UBASH3B: variants seen among roughly 807,000 people sequenced by gnomAD.
The protein encoded by UBASH3B is ubiquitin-associated and SH3 domain-containing protein B.
In UBASH3B, 37 loss-of-function variants were observed where a neutral mutation model predicts 83.4. The ratio of observed to expected loss-of-function variants is 0.44; its 90% CI spans 0.34 to 0.58. The LOEUF (loss-of-function observed/expected upper bound fraction) is 0.58. Among genes scored for constraint, UBASH3B ranks in the 20% least tolerant of loss-of-function variants. UBASH3B has a pLI of 0.01. For missense variants in UBASH3B, 657 were observed against 827.2 expected (o/e 0.79, Z 2.52); for synonymous variants, 304 against 318.3 (o/e 0.96, Z 0.48).
intron 1 of UBASH3B, among the ~76,000 whole-genome samples, chr11:122,711,037 G>A (rs1864184305): frequency 6.6e-6 from 1 of 152,234 alleles, no homozygotes; most frequent in Non-Finnish European, 1.5e-5. Flanking sequence ...GGGTTAGGAA[G>A]TGTGGGAGCC....
At chr11:122,710,375 C>T (rs752108444) in intron 1 of UBASH3B, among the ~76,000 whole-genome samples, 7 of 152,156 alleles carry the variant, frequency 4.6e-5, no homozygotes, top group Admixed American at 1.3e-4. Context: ...TTGTTGTGCA[C>T]GCTTATTACA....
intron 2 of UBASH3B, 84 bp from the exon 3 acceptor site, chr11:122,776,940 T>C (rs1860745847): frequency 3.0e-6 from 4 of 1,316,522 alleles, no homozygotes; most frequent in Non-Finnish European, 4.2e-6. Flanking sequence ...TTGGAGCACA[T>C]GGAGGGTGGA....
chr11:122,796,011 G>C, intron 7 of UBASH3B, 145 bp from the exon 8 acceptor site: 1 of 932,260 alleles, frequency 1.1e-6, no homozygotes, highest in Non-Finnish European at 1.6e-6. Flanking sequence ...TAACTTATGA[G>C]GTCTGTAGGA....
In UBASH3B at chr11:122,810,007, C is replaced by T. The variant is rs1251559842; in HGVS notation, c.*121C>T. 2 of 1,236,768 alleles carry T rather than the reference C, an allele frequency of 1.6e-6. No homozygotes were observed. Among genetic ancestry groups the T allele is most frequent in the Middle Eastern group, 3.9e-4 (2 of 5,076 alleles). 76.6% of individuals were successfully genotyped at this position (1,236,768 alleles called of 1,614,324 possible). A position where few individuals can be genotyped will look rare whatever the true frequency, so the allele number is the denominator to read the frequency against. On this transcript the variant is annotated 3_prime_UTR_variant, in exon 14 of 14. Transcript: ENST00000284273. ...AGCTCAGAATAATTTAGCATATTTC[C>T]TTTCACACTTAAAGTTCTTAAGATG...
At chr11:122,796,853 G>T (rs1324435033) in intron 8 of UBASH3B, 58 bp from the exon 9 acceptor site, 11 of 1,612,732 alleles carry the variant, frequency 6.8e-6, no homozygotes, top group Non-Finnish European at 9.3e-6. Flanking sequence ...GATCAGTAAG[G>T]GAGTCCCAAG....
intron 10 of UBASH3B, among the ~76,000 whole-genome samples, chr11:122,799,736 T>G (rs1861219677): frequency 2.0e-5 from 3 of 152,334 alleles, no homozygotes; most frequent in Admixed American, 2.0e-4. Context: ...ATTTTTTTCT[T>G]TACTTAATTA....
chr11:122,715,090 C>T (rs1424726234), intron 1 of UBASH3B, among the ~76,000 whole-genome samples: 1 of 152,116 alleles, frequency 6.6e-6, no homozygotes, highest in Non-Finnish European at 1.5e-5. Flanking sequence ...GGACTACAGG[C>T]GCCCACTACC....
intron 5 of UBASH3B, among the ~76,000 whole-genome samples, chr11:122,784,014 C>G (rs1860903808): frequency 6.6e-6 from 1 of 151,548 alleles, no homozygotes; most frequent in Non-Finnish European, 1.5e-5. Context: ...GATCTTGGCT[C>G]ACTGCAACCC....
intron 1 of UBASH3B, among the ~76,000 whole-genome samples, chr11:122,685,335 G>T (rs934603091): frequency 3.9e-5 from 6 of 152,162 alleles, no homozygotes; most frequent in Non-Finnish European, 7.3e-5. Flanking sequence ...AAGAGTGTTT[G>T]CCACAGAGCA....
chr11:122,781,210 T>C (rs1017853804), intron 4 of UBASH3B, among the ~76,000 whole-genome samples: 2 of 149,498 alleles, frequency 1.3e-5, no homozygotes, highest in Non-Finnish European at 3.0e-5. Flanking sequence ...ACGGGACTAG[T>C]CTCCGGGTCC....
chr11:122,746,352 G>A (rs2135964376), intron 1 of UBASH3B, among the ~76,000 whole-genome samples: 1 of 152,322 alleles, frequency 6.6e-6, no homozygotes, highest in East Asian at 1.9e-4. Flanking sequence ...CCTAAGATAT[G>A]AGTGGGCGGA....
At position 122,810,939 on chromosome 11, in the gene UBASH3B, A is replaced by G. The variant is rs930053243; in HGVS notation, c.*1053A>G. 6.6e-6 allele frequency: 1 copy of G among 152,202 alleles called. No homozygotes were observed. Among genetic ancestry groups the G allele is most frequent in the African/African-American group, 2.4e-5 (1 of 41,454 alleles). The allele number at this position is 152,202 out of a possible 1,614,324, so 9.4% of individuals were successfully genotyped here. A position where few individuals can be genotyped will look rare whatever the true frequency, so the allele number is the denominator to read the frequency against. On this transcript the variant is annotated 3_prime_UTR_variant, in exon 14 of 14. Transcript: ENST00000284273. Reference sequence around the variant, plus strand: ...TAATGGAACATCCACAAATGCATCAATTATACCAGGGATGTATAGTAAGTC... The same window carrying G: ...TAATGGAACATCCACAAATGCATCAGTTATACCAGGGATGTATAGTAAGTC...
rs952978707 is a variant in UBASH3B, at chr11:122,712,939, G to A, written c.161+56729G>A. Among the ~76,000 whole-genome samples, 19 of 108,246 alleles carry A rather than the reference G, an allele frequency of 1.8e-4. No homozygotes were observed. In the South Asian group the frequency reaches 3.9e-3, roughly 22 times the overall value. The allele number at this position is 108,246 out of a possible 152,430, so 71.0% of individuals were successfully genotyped here. A position where few individuals can be genotyped will look rare whatever the true frequency, so the allele number is the denominator to read the frequency against. Reference sequence around the variant, plus strand: ...TTTTTTTTTTTTTGAGATGGATCTCGCTCTGTCGCCCAGGCTGGAGTGCAG... The same window carrying A: ...TTTTTTTTTTTTTGAGATGGATCTCACTCTGTCGCCCAGGCTGGAGTGCAG... On this transcript the variant is annotated intron_variant, in intron 1 of 13. Coordinates refer to ENST00000284273, the MANE Select transcript of UBASH3B (RefSeq NM_032873.5).
intron 1 of UBASH3B, among the ~76,000 whole-genome samples, chr11:122,687,145 G>A (rs1165805384): frequency 2.6e-5 from 4 of 152,108 alleles, no homozygotes; most frequent in African/African-American, 7.2e-5. Flanking sequence ...CTGGGATTAC[G>A]GGTGTGAGTC....
intron 1 of UBASH3B, among the ~76,000 whole-genome samples, chr11:122,743,945 G>C (rs1047472260): frequency 6.6e-6 from 1 of 152,188 alleles, no homozygotes; most frequent in African/African-American, 2.4e-5. Context: ...ATTTGATCAG[G>C]GTGGCTGCAT....
chr11:122,717,546 C>A (rs757780507), intron 1 of UBASH3B, among the ~76,000 whole-genome samples: 1 of 152,224 alleles, frequency 6.6e-6, no homozygotes, highest in Non-Finnish European at 1.5e-5. Context: ...CTGCACACAG[C>A]ACGGATGCTT....
intron 1 of UBASH3B, among the ~76,000 whole-genome samples, chr11:122,769,170 A>G (rs553394386): frequency 1.3e-5 from 2 of 152,180 alleles, no homozygotes; most frequent in Admixed American, 6.5e-5. Context: ...GGAAGCTTCC[A>G]CTCATGACAG....
chr11:122,716,869 G>A (rs995736711), intron 1 of UBASH3B, among the ~76,000 whole-genome samples: 2 of 152,200 alleles, frequency 1.3e-5, no homozygotes, highest in East Asian at 1.9e-4. Flanking sequence ...CTTTTCTCTC[G>A]GTAGAAGCTG....
At chr11:122,677,282 G>A (rs933225119) in intron 1 of UBASH3B, among the ~76,000 whole-genome samples, 3 of 152,164 alleles carry the variant, frequency 2.0e-5, no homozygotes, top group South Asian at 2.1e-4. Context: ...TGAGGATTTC[G>A]ATATCTGAGG....
Sources: gnomAD v4.1 joint callset for allele counts (sites outside exome capture counted in the v4.1 genomes callset) on GRCh38, gnomAD v4.1.1 for gene constraint, MANE v1.5 for transcripts, NCBI Gene and HGNC (gene_info 2026-07-23, HGNC 2026-07-21) for gene names.